Variants in NAALADL2 observed in about 807,000 individuals in gnomAD.
The protein encoded by NAALADL2 is N-acetylated alpha-linked acidic dipeptidase like 2, also known as inactive N-acetylated-alpha-linked acidic dipeptidase-like protein 2.
Under a neutral mutation model 87.2 loss-of-function variants are expected in NAALADL2, and 76 were observed. The observed-to-expected ratio is 0.87, with a 90% CI of 0.72 to 1.05. NAALADL2 has a LOEUF of 1.05. Ranked by LOEUF, NAALADL2 falls within the 50% of genes least tolerant of loss-of-function variation. NAALADL2 has a pLI of 0.00. For synonymous variants in NAALADL2, 354 were observed against 331.0 expected (o/e 1.07, Z -0.75); for missense variants, 1,089 against 945.8 (o/e 1.15, Z -1.99).
chr3:175,077,435 T>TA (rs1203276671), intron 1 of NAALADL2, among the ~76,000 whole-genome samples: 1 of 152,200 alleles, frequency 6.6e-6, no homozygotes, highest in African/African-American at 2.4e-5. Flanking sequence ...CCGTGTATGC[T>TA]AGCCAGCATT....
chr3:175,523,648 G>T (rs543917641), intron 9 of NAALADL2, among the ~76,000 whole-genome samples: 8 of 152,208 alleles, frequency 5.3e-5, no homozygotes, highest in Non-Finnish European at 1.0e-4. Context: ...AGGGAAAGGG[G>T]TTCTTACCCT....
rs114391097 is a variant in NAALADL2 at position 175,011,702 on chromosome 3, C to G, written c.44-85088C>G. Among the ~76,000 whole-genome samples, 288 of 152,248 alleles carry G rather than the reference C, an allele frequency of 1.9e-3. 1 individual carries two copies. The highest frequency in any genetic ancestry group is 3.8e-3 in the Non-Finnish European group (260 of 68,020). ...GTAGTTGTAGACAAGAAGGTCCTAA[C>G]TAATACATGAGGACAGCAGAGGCCC... On this transcript the variant is annotated intron_variant, in intron 1 of 13. Transcript: ENST00000454872.
intron 2 of NAALADL2, among the ~76,000 whole-genome samples, chr3:175,202,982 C>T (rs1002585191): frequency 2.0e-5 from 3 of 152,062 alleles, no homozygotes; most frequent in African/African-American, 7.2e-5. Context: ...GCCCAAACCC[C>T]TCCAAAACAG....
intron 2 of NAALADL2, among the ~76,000 whole-genome samples, chr3:174,560,531 TAA>T (rs1214006993): frequency 6.6e-6 from 1 of 152,174 alleles, no homozygotes; most frequent in South Asian, 2.1e-4. Flanking sequence ...CAGGAGTAGC[TAA>T]AAAAATTTTA....
intron 3 of NAALADL2, among the ~76,000 whole-genome samples, chr3:174,781,814 T>C (rs1716019745): frequency 6.6e-6 from 1 of 151,998 alleles, no homozygotes; most frequent in African/African-American, 2.4e-5. Context: ...AGTGGAGAAA[T>C]AGGCAGACCT....
intron 2 of NAALADL2, among the ~76,000 whole-genome samples, chr3:174,625,707 T>C (rs1427393608): frequency 6.6e-6 from 1 of 152,090 alleles, no homozygotes; most frequent in Non-Finnish European, 1.5e-5. Context: ...ACATTAAATC[T>C]ATATGATGTT....
intron 3 of NAALADL2, among the ~76,000 whole-genome samples, chr3:174,803,902 G>T (rs9837913): frequency 6.6e-6 from 1 of 151,936 alleles, no homozygotes; most frequent in Non-Finnish European, 1.5e-5. Context: ...GTCAGGTAGC[G>T]TGATGCCTCT....
At chr3:174,911,024 C>A (rs1447778454) in intron 1 of NAALADL2, among the ~76,000 whole-genome samples, 3 of 152,110 alleles carry the variant, frequency 2.0e-5, no homozygotes, top group African/African-American at 7.2e-5. Flanking sequence ...CCTTACCTGG[C>A]ACACCGAATG....
At chr3:175,734,091 C>T (rs533523907) in intron 11 of NAALADL2, among the ~76,000 whole-genome samples, 8 of 152,296 alleles carry the variant, frequency 5.3e-5, no homozygotes, top group African/African-American at 9.6e-5. Flanking sequence ...GGTCTGAGGA[C>T]GGTGGCGTGG....
rs115263427 is a variant in NAALADL2 at position 175,090,460 on chromosome 3, G to T, written c.44-6330G>T. On this transcript the variant is annotated intron_variant, in intron 1 of 13. Coordinates refer to ENST00000454872, the MANE Select transcript of NAALADL2 (RefSeq NM_207015.3). ...AGGGTGTGTTACACAAATTGCAGTT[G>T]CACACAGGGCCCCAAAGGTTGGCCT... 3.3e-3 allele frequency among the ~76,000 whole-genome samples: 497 copies of T among 152,082 alleles called. 3 individuals are homozygous for T. The highest frequency in any genetic ancestry group is 0.011 in the African/African-American group (475 of 41,482).
intron 1 of NAALADL2, among the ~76,000 whole-genome samples, chr3:174,938,546 T>G (rs1345522885): frequency 1.3e-5 from 2 of 152,124 alleles, no homozygotes; most frequent in African/African-American, 4.8e-5. Flanking sequence ...CACCCAATAA[T>G]GGGATTGCTG....
intron 2 of NAALADL2, among the ~76,000 whole-genome samples, chr3:174,696,951 C>G (rs370156754): frequency 9.9e-5 from 15 of 152,018 alleles, no homozygotes; most frequent in African/African-American, 3.1e-4. Flanking sequence ...TGGTTTTAAG[C>G]AGAACAAGAA....
chr3:174,629,078 C>G (rs752108955), intron 2 of NAALADL2, among the ~76,000 whole-genome samples: 1 of 152,182 alleles, frequency 6.6e-6, no homozygotes, highest in African/African-American at 2.4e-5. Context: ...AGTCAGCCTT[C>G]TATAGTGAAT....
chr3:175,134,861 A>AT (rs1284458152), intron 2 of NAALADL2, among the ~76,000 whole-genome samples: 1 of 152,188 alleles, frequency 6.6e-6, no homozygotes, highest in Non-Finnish European at 1.5e-5. Context: ...ATGCCTTTAA[A>AT]TTTTATCAGA....
At chr3:174,878,674 T>A (rs866202934) in intron 1 of NAALADL2, among the ~76,000 whole-genome samples, 1 of 152,160 alleles carries the variant, frequency 6.6e-6, no homozygotes, top group South Asian at 2.1e-4. Context: ...TGCCGCTCTT[T>A]TCTATTTGCC....
At chr3:175,621,901 C>T (rs1173819667) in intron 10 of NAALADL2, among the ~76,000 whole-genome samples, 1 of 152,070 alleles carries the variant, frequency 6.6e-6, no homozygotes, top group African/African-American at 2.4e-5. Flanking sequence ...GCTGACAGTA[C>T]AGTACACAGG....
chr3:174,632,480 A>C (rs1353360940), intron 2 of NAALADL2, among the ~76,000 whole-genome samples: 1 of 152,242 alleles, frequency 6.6e-6, no homozygotes, highest in Non-Finnish European at 1.5e-5. Flanking sequence ...AATAGAAGGA[A>C]GTACAAGATA....
In NAALADL2 at chr3:174,767,789, T is replaced by C. The variant is rs543098735; in HGVS notation, c.-9+30043T>C. Among the ~76,000 whole-genome samples, 125 of 152,336 alleles carry C rather than the reference T, an allele frequency of 8.2e-4. 1 individual carries two copies. Among genetic ancestry groups the C allele is most frequent in the Middle Eastern group, 6.8e-3 (2 of 294 alleles). ...ACTCAGAACAACTGCTTATCCTTTT[T>C]TATATGTTTATATGTTTGTTTTCCT... is the stretch of plus-strand genomic sequence containing the variant. On this transcript the variant is annotated intron_variant, in intron 3 of 3. Transcript: ENST00000434257.
At position 174,645,272 on chromosome 3, in the gene NAALADL2, T is replaced by C. The variant is rs151252579; in HGVS notation, c.-114-92369T>C. On this transcript the variant is annotated intron_variant, in intron 2 of 3. Transcript: ENST00000434257. ...TTGGTGTCTTGTAATTTTGACTTTG[T>C]TGTAATAAACAATTGAAATACTGCG... Among the ~76,000 whole-genome samples, 8 of 152,336 alleles carry C rather than the reference T, an allele frequency of 5.3e-5. No homozygotes were observed. The East Asian group carries it at 1.2e-3, about 22-fold the overall frequency.
Sources: gnomAD v4.1 joint callset for allele counts (sites outside exome capture counted in the v4.1 genomes callset) on GRCh38, gnomAD v4.1.1 for gene constraint, MANE v1.5 for transcripts, NCBI Gene and HGNC (gene_info 2026-07-23, HGNC 2026-07-21) for gene names.